The following TMEM182 variants were observed in gnomAD, a reference collection of about 807,000 sequenced individuals.
TMEM182 encodes transmembrane protein 182.
In TMEM182, 20 loss-of-function variants were observed where a neutral mutation model predicts 26.8. That is an observed-to-expected ratio of 0.75 (90% CI 0.53 to 1.09). The LOEUF is 1.09. Ranked by LOEUF, TMEM182 falls within the 50% of genes least tolerant of loss-of-function variation. The pLI, the probability that TMEM182 is intolerant of heterozygous loss-of-function variation, is 0.00. For missense variants in TMEM182, 277 were observed against 275.5 expected, an observed-to-expected ratio of 1.01 and a Z score of -0.04; for synonymous variants, 109 against 102.2, an observed-to-expected ratio of 1.07 and a Z score of -0.40.
At chr2:102,760,952 C>A (rs1573499352), upstream of TMEM182, among the ~76,000 whole-genome samples, 1 of 152,074 alleles carries the variant, frequency 6.6e-6, no homozygotes, top group East Asian at 1.9e-4. Context: ...TAACAGGGCC[C>A]TTCATCTTTA....
chr2:102,835,744 A>G (rs1251370016), intron 3 of TMEM182, among the ~76,000 whole-genome samples: 3 of 152,028 alleles, frequency 2.0e-5, no homozygotes, highest in African/African-American at 7.2e-5. Flanking sequence ...CATGTGCACA[A>G]CATGCAGGTT....
chr2:102,756,633 C>T (rs961158375), intron 1 of TMEM182, among the ~76,000 whole-genome samples: 7 of 152,016 alleles, frequency 4.6e-5, no homozygotes, highest in Admixed American at 1.3e-4. Flanking sequence ...CACTTGAACC[C>T]GGGAGGCAGA....
chr2:102,795,575 A>C (rs533710688), intron 3 of TMEM182, among the ~76,000 whole-genome samples: 13 of 152,292 alleles, frequency 8.5e-5, no homozygotes, highest in African/African-American at 2.9e-4. Context: ...GGCGCACACC[A>C]CTCAGGGCTT....
upstream of TMEM182, among the ~76,000 whole-genome samples, chr2:102,759,680 A>G (rs1438088407): frequency 2.6e-5 from 4 of 152,238 alleles, no homozygotes; most frequent in Non-Finnish European, 5.9e-5. Context: ...CAGATTTGCT[A>G]TCCCACAGTT....
At chr2:102,764,807 CAT>C (rs1019461135) in intron 3 of TMEM182, among the ~76,000 whole-genome samples, 128 of 151,430 alleles carry the variant, frequency 8.5e-4, no homozygotes, top group African/African-American at 3.0e-3. Flanking sequence ...CATCATTACA[CAT>C]GAGAATATCA....
At chr2:102,738,270 C>T (rs1558746733) in intron 1 of TMEM182, among the ~76,000 whole-genome samples, 1 of 152,054 alleles carries the variant, frequency 6.6e-6, no homozygotes, top group African/African-American at 2.4e-5. Flanking sequence ...CACATTATAA[C>T]CTAGGAGGAC....
At chr2:102,762,552 A>G (rs774764380) in intron 1 of TMEM182, 35 bp from the exon 2 acceptor site, 3 of 1,588,978 alleles carry the variant, frequency 1.9e-6, no homozygotes, top group South Asian at 1.2e-5. Context: ...TATTTCTTGT[A>G]TTGATGGCAA....
At chr2:102,834,242 A>G (rs1409673088) in intron 3 of TMEM182, among the ~76,000 whole-genome samples, 1 of 152,210 alleles carries the variant, frequency 6.6e-6, no homozygotes, top group African/African-American at 2.4e-5. Context: ...CCTAACTCTA[A>G]GGCTGAAGGA....
intron 4 of TMEM182, among the ~76,000 whole-genome samples, chr2:102,808,983 C>T (rs140631345): frequency 1.4e-3 from 213 of 152,294 alleles, no homozygotes; most frequent in African/African-American, 4.7e-3. Context: ...TGTGGCTACA[C>T]TGATGTTTAC....
chr2:102,811,889 G>A (rs6760518), intron 4 of TMEM182, among the ~76,000 whole-genome samples: 5,953 of 152,122 alleles, frequency 0.039, 398 homozygotes, highest in African/African-American at 0.14. Flanking sequence ...TGAGAATCCC[G>A]GTTTCATGGT....
At chr2:102,803,360 T>C (rs1460009451) in intron 4 of TMEM182, among the ~76,000 whole-genome samples, 1 of 152,184 alleles carries the variant, frequency 6.6e-6, no homozygotes, top group Non-Finnish European at 1.5e-5. Flanking sequence ...CCTTCCCTGC[T>C]CTGGAGGCAG....
chr2:102,742,243 T>C (rs1219754714), intron 1 of TMEM182, among the ~76,000 whole-genome samples: 1 of 151,948 alleles, frequency 6.6e-6, no homozygotes, highest in East Asian at 1.9e-4. Context: ...GAAATGAAAA[T>C]TGCTTTTGAT....
chr2:102,809,835 T>A (rs1277437865), intron 4 of TMEM182, among the ~76,000 whole-genome samples: 2 of 152,234 alleles, frequency 1.3e-5, no homozygotes, highest in Non-Finnish European at 2.9e-5. Context: ...AAGGACGATT[T>A]TGTTTTCTGA....
intron 3 of TMEM182, among the ~76,000 whole-genome samples, chr2:102,790,358 G>A (rs955387808): frequency 6.6e-6 from 1 of 152,202 alleles, no homozygotes; most frequent in Non-Finnish European, 1.5e-5. Context: ...CAGTTAAAAC[G>A]TCAGGCTGCT....
intron 3 of TMEM182, among the ~76,000 whole-genome samples, chr2:102,795,050 T>A (rs1681811145): frequency 6.6e-6 from 1 of 152,196 alleles, no homozygotes; most frequent in Non-Finnish European, 1.5e-5. Context: ...CAAGTTCACT[T>A]ACTCTGTCCT....
downstream of TMEM182, among the ~76,000 whole-genome samples, chr2:102,818,080 T>G (rs1382631001): frequency 6.6e-6 from 1 of 152,168 alleles, no homozygotes; most frequent in Non-Finnish European, 1.5e-5. Flanking sequence ...TCGGTGGAAT[T>G]GTGAGAAAGA....
chr2:102,823,450 A>G (rs1682966208), intron 3 of TMEM182, among the ~76,000 whole-genome samples: 1 of 152,108 alleles, frequency 6.6e-6, no homozygotes, highest in African/African-American at 2.4e-5. Flanking sequence ...CTCCTGCCTC[A>G]GCTCCCAAGT....
At chr2:102,812,779 A>AT (rs1413040868) in intron 4 of TMEM182, among the ~76,000 whole-genome samples, 4 of 152,272 alleles carry the variant, frequency 2.6e-5, no homozygotes, top group Admixed American at 6.5e-5. Context: ...TGCAAGGAAG[A>AT]TAAAAACCAT....
At chr2:102,795,931 T>C (rs1366700235) in intron 3 of TMEM182, among the ~76,000 whole-genome samples, 1 of 152,120 alleles carries the variant, frequency 6.6e-6, no homozygotes, top group Non-Finnish European at 1.5e-5. Context: ...CTTTGCACAA[T>C]GAGGGTTCCT....
Sources: gnomAD v4.1 joint callset for allele counts (sites outside exome capture counted in the v4.1 genomes callset) on GRCh38, gnomAD v4.1.1 for gene constraint, MANE v1.5 for transcripts, NCBI Gene and HGNC (gene_info 2026-07-23, HGNC 2026-07-21) for gene names.